The following COMMD10 variants were observed in gnomAD, a reference collection of about 807,000 sequenced individuals.
COMMD10 encodes the protein COMM domain-containing protein 10.
COMMD10 carries 33 observed loss-of-function variants against 28.9 expected under a neutral mutation model. The ratio of observed to expected loss-of-function variants is 1.14; its 90% CI spans 0.87 to 1.53. The LOEUF (loss-of-function observed/expected upper bound fraction) is 1.53, where lower values mean the gene tolerates loss of function less well. Among genes scored for constraint, COMMD10 ranks in the 40% most tolerant of loss-of-function variants. The pLI, the probability that COMMD10 is intolerant of heterozygous loss-of-function variation, is 0.00. For synonymous variants in COMMD10, 110 were observed against 81.7 expected (o/e 1.35, Z -1.87); for missense variants, 310 against 233.4 (o/e 1.33, Z -2.14).
intron 5 of COMMD10, among the ~76,000 whole-genome samples, chr5:116,142,762 A>G (rs961407499): frequency 2.6e-5 from 4 of 151,718 alleles, no homozygotes; most frequent in African/African-American, 4.8e-5. Context: ...AGCTTTTGTT[A>G]TGTGTATTTT....
chr5:116,268,007 C>T (rs9763407), intron 5 of COMMD10, among the ~76,000 whole-genome samples: 39,416 of 151,268 alleles, frequency 0.26, 6,954 homozygotes, highest in African/African-American at 0.5. Flanking sequence ...TAGAAGAAAA[C>T]CTAGGCAATA....
At chr5:116,235,330 C>A (rs4327631) in intron 5 of COMMD10, among the ~76,000 whole-genome samples, 149,024 of 152,316 alleles carry the variant, frequency 0.98, 72,988 homozygotes, top group East Asian at 1. Flanking sequence ...AAATTGTAGG[C>A]ATGTTGCTTG....
intron 5 of COMMD10, among the ~76,000 whole-genome samples, chr5:116,272,973 G>A (rs1256721616): frequency 6.6e-6 from 1 of 151,738 alleles, no homozygotes; most frequent in African/African-American, 2.4e-5. Context: ...CTTAAAACAA[G>A]TTATCCATTT....
At chr5:116,182,776 C>G (rs1275347754) in intron 5 of COMMD10, among the ~76,000 whole-genome samples, 1 of 152,060 alleles carries the variant, frequency 6.6e-6, no homozygotes, top group Admixed American at 6.6e-5. Context: ...TTGGCTGTGT[C>G]TCCTCACCCA....
At chr5:116,244,631 C>A (rs1249692780) in intron 5 of COMMD10, among the ~76,000 whole-genome samples, 1 of 128,950 alleles carries the variant, frequency 7.8e-6, no homozygotes, top group African/African-American at 2.9e-5. Flanking sequence ...ATACCATTAC[C>A]ACTTAACAAG....
chr5:116,272,730 GT>G (rs1750792902), intron 5 of COMMD10, among the ~76,000 whole-genome samples: 2 of 151,966 alleles, frequency 1.3e-5, no homozygotes, highest in Admixed American at 1.3e-4. Flanking sequence ...CTTGTCTGCA[GT>G]TGATCTGGGT....
At chr5:116,183,403 A>G (rs1243177444) in intron 5 of COMMD10, among the ~76,000 whole-genome samples, 1 of 152,174 alleles carries the variant, frequency 6.6e-6, no homozygotes, top group Non-Finnish European at 1.5e-5. Flanking sequence ...CTAGAATTTC[A>G]GTGACTACAT....
chr5:116,244,820 C>T (rs894325136), intron 5 of COMMD10, among the ~76,000 whole-genome samples: 12 of 151,812 alleles, frequency 7.9e-5, no homozygotes, highest in Admixed American at 2.6e-4. Context: ...CTATGGAATC[C>T]GACTAAGGCA....
intron 4 of COMMD10, among the ~76,000 whole-genome samples, chr5:116,118,164 C>G (rs188203659): frequency 6.6e-6 from 1 of 152,154 alleles, no homozygotes; most frequent in Non-Finnish European, 1.5e-5. Flanking sequence ...CTTTTTCCAG[C>G]TGATTGTTTA....
intron 5 of COMMD10, among the ~76,000 whole-genome samples, chr5:116,281,048 G>A (rs950397385): frequency 8.6e-5 from 13 of 151,722 alleles, no homozygotes; most frequent in African/African-American, 2.9e-4. Flanking sequence ...TGATTTTCTA[G>A]TTGAAAAGAT....
At chr5:116,151,131 T>C (rs1229580811) in intron 5 of COMMD10, among the ~76,000 whole-genome samples, 1 of 151,946 alleles carries the variant, frequency 6.6e-6, no homozygotes, top group Non-Finnish European at 1.5e-5. Context: ...TGGTTTTTGT[T>C]TTTGCTTCTG....
intron 5 of COMMD10, among the ~76,000 whole-genome samples, chr5:116,139,102 T>C (rs553406341): frequency 1.3e-5 from 2 of 151,914 alleles, no homozygotes; most frequent in African/African-American, 2.4e-5. Flanking sequence ...GTTAATTTAA[T>C]AACTTAGCAG....
chr5:116,263,967 G>A (rs1272469484), intron 5 of COMMD10, among the ~76,000 whole-genome samples: 5 of 151,726 alleles, frequency 3.3e-5, no homozygotes, highest in Admixed American at 6.6e-5. Flanking sequence ...AATGTTTTAC[G>A]GAGTTTGACT....
In COMMD10 at chr5:116,174,307, G is replaced by A. The variant is rs529959875; in HGVS notation, c.510+40129G>A. On this transcript the variant is annotated intron_variant, in intron 5 of 6. Transcript: ENST00000274458. ...AGTGTGGCAGGAGTAGAGTATGTGG[G>A]AAGAGAGGTTCAGATGATAAGGTGA... Among the ~76,000 whole-genome samples the A allele has an allele frequency of 4.6e-5, 7 of 152,246 alleles. No individual in the cohort carries two copies. In the East Asian group the frequency reaches 1.4e-3, roughly 29 times the overall value.
chr5:116,291,389 G>T (rs1751355820), intron 5 of COMMD10, 128 bp from the exon 6 acceptor site: 2 of 651,594 alleles, frequency 3.1e-6, no homozygotes, highest in Admixed American at 6.4e-5. Flanking sequence ...GTTGAGTAGA[G>T]CAGGTAAGCA....
chr5:116,195,010 CAT>C (rs1748471276), intron 5 of COMMD10, among the ~76,000 whole-genome samples: 2 of 152,162 alleles, frequency 1.3e-5, no homozygotes, highest in African/African-American at 4.8e-5. Context: ...TATAGCTTAA[CAT>C]ATACAAGTCA....
chr5:116,259,106 A>G (rs1218181407), intron 5 of COMMD10, among the ~76,000 whole-genome samples: 1 of 136,466 alleles, frequency 7.3e-6, no homozygotes, highest in Non-Finnish European at 1.5e-5. Flanking sequence ...TTTCTCACCC[A>G]GGCTGGGATG....
chr5:116,267,777 T>C (rs1277231228), intron 5 of COMMD10, among the ~76,000 whole-genome samples: 2 of 151,166 alleles, frequency 1.3e-5, no homozygotes, highest in African/African-American at 2.4e-5. Context: ...CAGAACAGAG[T>C]CCTCAGACAT....
intron 4 of COMMD10, among the ~76,000 whole-genome samples, chr5:116,120,292 T>C (rs73271268): frequency 0.12 from 18,076 of 152,062 alleles, 1,643 homozygotes; most frequent in African/African-American, 0.25. Flanking sequence ...TATTGGGAGC[T>C]AAGCTATGAG....
Sources: gnomAD v4.1 joint callset for allele counts (sites outside exome capture counted in the v4.1 genomes callset) on GRCh38, gnomAD v4.1.1 for gene constraint, MANE v1.5 for transcripts, NCBI Gene and HGNC (gene_info 2026-07-23, HGNC 2026-07-21) for gene names.